The following DIAPH1 variants were observed in gnomAD, a reference collection of about 807,000 sequenced individuals.
DIAPH1 encodes protein diaphanous homolog 1.
Under a neutral mutation model 140.7 loss-of-function variants are expected in DIAPH1, and 46 were observed. That is an observed-to-expected ratio of 0.33 (90% CI 0.26 to 0.42). DIAPH1 has a LOEUF of 0.42. Among genes scored for constraint, DIAPH1 ranks in the 10% least tolerant of loss-of-function variants. DIAPH1 has a pLI of 1.00. For synonymous variants in DIAPH1, 565 were observed against 551.6 expected (o/e 1.02, Z -0.34); for missense variants, 1,310 against 1,558.7 (o/e 0.84, Z 2.69).
At chr5:141,582,773 T>C (rs942032376) in intron 6 of DIAPH1, among the ~76,000 whole-genome samples, 1 of 152,210 alleles carries the variant, frequency 6.6e-6, no homozygotes, top group African/African-American at 2.4e-5. Flanking sequence ...GGAAGTACTC[T>C]GCTTCAGGTT....
intron 1 of DIAPH1, among the ~76,000 whole-genome samples, chr5:141,617,611 A>G (rs1213677077): frequency 1.3e-5 from 2 of 152,192 alleles, no homozygotes; most frequent in African/African-American, 2.4e-5. Flanking sequence ...AAGATACACT[A>G]GTGTAAGGGC....
chr5:141,599,612 C>T (rs1032791270), intron 1 of DIAPH1, among the ~76,000 whole-genome samples: 2 of 152,170 alleles, frequency 1.3e-5, no homozygotes, highest in African/African-American at 4.8e-5. Context: ...CCATCATGCC[C>T]AGCCAGGTTT....
Position 141,573,910 on chromosome 5 carries a change from C to A in DIAPH1, c.1940G>T (p.Gly647Val), listed in dbSNP as rs1424711678. 1.3e-6 allele frequency: 2 copies of A among 1,544,944 alleles called. No homozygotes were observed. The highest frequency in any genetic ancestry group is 2.4e-5 in the East Asian group (1 of 41,130). ...AGGGGGTGGAGGGATGGTAGCATCC[C>A]CAGACAAAGGAGGGGGTGGAGAGAT... is the stretch of plus-strand genomic sequence containing the variant. Reference protein sequence around the residue: ...TAISPPPPLSGDATIPPPPPL... With the variant: ...TAISPPPPLSVDATIPPPPPL... Residue 647 changes from glycine to valine, a missense_variant, in exon 16 of 28, where the codon GGG becomes GTG. Physicochemically the swap from Gly to Val is moderately radical, Grantham distance 109. Transcript: ENST00000389054.
intron 19 of DIAPH1, among the ~76,000 whole-genome samples, chr5:141,534,029 G>A (rs1404806257): frequency 4.4e-5 from 4 of 91,896 alleles, no homozygotes; most frequent in African/African-American, 1.8e-4. Flanking sequence ...GTGAGACTGT[G>A]TCTCAAAAAA....
chr5:141,611,804 C>T (rs558586762), intron 1 of DIAPH1, among the ~76,000 whole-genome samples: 13 of 152,304 alleles, frequency 8.5e-5, no homozygotes, highest in African/African-American at 1.9e-4. Flanking sequence ...CAGTGGCTCA[C>T]GCCTGTAATC....
intron 18 of DIAPH1, among the ~76,000 whole-genome samples, chr5:141,537,134 C>T (rs1400607320): frequency 1.3e-5 from 2 of 152,062 alleles, no homozygotes; most frequent in Admixed American, 6.6e-5. Context: ...TGCCACTGCA[C>T]TCCAGCCTGG....
intron 8 of DIAPH1, 30 bp downstream of exon 8, chr5:141,580,714 T>C (rs1255728242): frequency 1.2e-6 from 2 of 1,611,936 alleles, no homozygotes; most frequent in Non-Finnish European, 1.7e-6. Context: ...AAATTGAAAA[T>C]GGAGAAGAAA....
intron 18 of DIAPH1, chr5:141,536,092 G>A (rs752686554): frequency 1.3e-5 from 6 of 446,734 alleles, no homozygotes; most frequent in Non-Finnish European, 2.8e-5. Context: ...TTGAGCTCAG[G>A]AGTTTGAGAC....
intron 18 of DIAPH1, among the ~76,000 whole-genome samples, chr5:141,547,352 C>T (rs1339742743): frequency 2.0e-5 from 3 of 152,102 alleles, no homozygotes; most frequent in African/African-American, 7.2e-5. Context: ...GTAGTCCCAG[C>T]TACTCGGGAG....
At chr5:141,599,108 T>C (rs2099899756) in intron 1 of DIAPH1, among the ~76,000 whole-genome samples, 2 of 152,184 alleles carry the variant, frequency 1.3e-5, no homozygotes, top group Admixed American at 1.3e-4. Flanking sequence ...AGGATGCTCA[T>C]GTAGCCAAGC....
intron 18 of DIAPH1, among the ~76,000 whole-genome samples, chr5:141,562,606 C>CAAAAAAAAAAAAAAA (rs754741971): frequency 2.6e-5 from 2 of 76,844 alleles, no homozygotes; most frequent in Non-Finnish European, 5.4e-5. Flanking sequence ...CTTACCTATG[C>CAAAAAAAAAAAAAAA]AAAAAAAAAA....
Position 141,578,599 on chromosome 5 carries a change from A to G in DIAPH1, c.960T>C (p.Ala320=). ...CAAGTTCCTCCGCTGGTGTGATGAG[A>G]GCATTGATCAGCTGTAGGCATCCAA... is the stretch of plus-strand genomic sequence containing the variant. ...LKVGCLQLIN[A]LITPAEELDF... is the part of the protein sequence containing the mutation. The change falls in exon 10 of 28, where the codon GCT becomes GCC. Residue 320 remains alanine (A), a synonymous_variant. Transcript: ENST00000389054. The G allele has an allele frequency of 6.2e-7, 1 of 1,613,410 alleles. No homozygotes were observed. The highest frequency in any genetic ancestry group is 1.1e-5 in the South Asian group (1 of 91,062).
intron 18 of DIAPH1, among the ~76,000 whole-genome samples, chr5:141,540,158 C>T (rs1386209264): frequency 4.6e-5 from 7 of 151,824 alleles, no homozygotes. Flanking sequence ...GCTCTGTCAC[C>T]CAGGCTAGAG....
At chr5:141,557,268 G>T (rs1193866693) in intron 18 of DIAPH1, among the ~76,000 whole-genome samples, 1 of 152,096 alleles carries the variant, frequency 6.6e-6, no homozygotes, top group Admixed American at 6.5e-5. Context: ...CACACATTCT[G>T]AACTGCTTAA....
At chr5:141,617,955 T>C (rs2099902947) in intron 1 of DIAPH1, among the ~76,000 whole-genome samples, 1 of 152,232 alleles carries the variant, frequency 6.6e-6, no homozygotes, top group Non-Finnish European at 1.5e-5. Flanking sequence ...AGGAGACGGT[T>C]ATCATGGGAA....
At chr5:141,519,810 A>G (rs372064516) in intron 27 of DIAPH1, among the ~76,000 whole-genome samples, 17 of 152,326 alleles carry the variant, frequency 1.1e-4, no homozygotes, top group African/African-American at 3.6e-4. Flanking sequence ...CAGGTTGAAC[A>G]GTCAAGAAAA....
At chr5:141,552,399 A>G (rs1355664599) in intron 18 of DIAPH1, among the ~76,000 whole-genome samples, 1 of 152,184 alleles carries the variant, frequency 6.6e-6, no homozygotes, top group Non-Finnish European at 1.5e-5. Flanking sequence ...AGAGTCAGAG[A>G]GGACATGTGA....
At chr5:141,543,376 G>T (rs2099890297) in intron 18 of DIAPH1, among the ~76,000 whole-genome samples, 1 of 152,214 alleles carries the variant, frequency 6.6e-6, no homozygotes, top group South Asian at 2.1e-4. Flanking sequence ...GAAGTAGGAA[G>T]TGGCTGCTAG....
At chr5:141,601,585 G>A (rs562376372) in intron 1 of DIAPH1, among the ~76,000 whole-genome samples, 9 of 152,164 alleles carry the variant, frequency 5.9e-5, no homozygotes, top group Admixed American at 2.6e-4. Context: ...CCACCGCACC[G>A]GGACTATATT....
Sources: gnomAD v4.1 joint callset for allele counts (sites outside exome capture counted in the v4.1 genomes callset) on GRCh38, gnomAD v4.1.1 for gene constraint, MANE v1.5 for transcripts, NCBI Gene and HGNC (gene_info 2026-07-23, HGNC 2026-07-21) for gene names.